AK5: variants seen among roughly 807,000 people sequenced by gnomAD.
The protein encoded by AK5 is adenylate kinase isoenzyme 5.
Under a neutral mutation model 69.5 loss-of-function variants are expected in AK5, and 27 were observed. The ratio of observed to expected loss-of-function variants is 0.39; its 90% CI spans 0.29 to 0.54. The LOEUF is 0.54. AK5 is among the 20% of genes least tolerant of loss of function. The probability of loss-of-function intolerance (pLI) is 0.71; values close to 1 mark genes in which losing one functional copy is unlikely to be tolerated. For missense variants in AK5, 531 were observed against 700.4 expected (o/e 0.76, Z 2.73); for synonymous variants, 260 against 244.4 (o/e 1.06, Z -0.60).
intron 13 of AK5, among the ~76,000 whole-genome samples, chr1:77,555,847 A>G (rs992367685): frequency 3.3e-5 from 5 of 152,234 alleles, no homozygotes; most frequent in African/African-American, 9.6e-5. Flanking sequence ...TTCTCGTTCA[A>G]CTTGGTTAAC....
intron 12 of AK5, among the ~76,000 whole-genome samples, chr1:77,529,323 C>T (rs1429084281): frequency 1.3e-5 from 2 of 150,478 alleles, no homozygotes; most frequent in Admixed American, 6.6e-5. Context: ...GTTAGGACCC[C>T]CGTTTTATAG....
chr1:77,490,014 G>A (rs924634489), intron 10 of AK5, among the ~76,000 whole-genome samples: 1 of 152,062 alleles, frequency 6.6e-6, no homozygotes, highest in Admixed American at 6.5e-5. Flanking sequence ...CCTCCTCTGC[G>A]CTCCTCCTCC....
At chr1:77,493,978 T>C (rs1290708443) in intron 10 of AK5, among the ~76,000 whole-genome samples, 1 of 152,202 alleles carries the variant, frequency 6.6e-6, no homozygotes, top group Non-Finnish European at 1.5e-5. Context: ...TTAATAAGCC[T>C]TTATCAAGGG....
At chr1:77,285,942 T>A (rs997784083) in intron 1 of AK5, among the ~76,000 whole-genome samples, 3 of 152,102 alleles carry the variant, frequency 2.0e-5, no homozygotes, top group African/African-American at 7.2e-5. Flanking sequence ...TGAATTAGAC[T>A]CACTCTGTGT....
At chr1:77,556,243 T>C (rs1262928641) in intron 13 of AK5, among the ~76,000 whole-genome samples, 1 of 152,186 alleles carries the variant, frequency 6.6e-6, no homozygotes, top group Non-Finnish European at 1.5e-5. Flanking sequence ...ATGTCTCCCC[T>C]GTCACAGCTT....
intron 5 of AK5, chr1:77,314,656 C>T (rs1324031092): frequency 6.6e-6 from 1 of 152,072 alleles, no homozygotes; most frequent in Non-Finnish European, 1.5e-5. Context: ...ATTCAATATC[C>T]TCCATCCTCC....
intron 5 of AK5, among the ~76,000 whole-genome samples, chr1:77,306,484 G>GGC (rs35597576): frequency 7.4e-6 from 1 of 134,554 alleles, no homozygotes; most frequent in Non-Finnish European, 1.6e-5. Context: ...AATTTGCTAG[G>GGC]TTTTTTTTTG....
chr1:77,493,293 G>A (rs1409802162), intron 10 of AK5, among the ~76,000 whole-genome samples: 1 of 151,530 alleles, frequency 6.6e-6, no homozygotes, highest in Non-Finnish European at 1.5e-5. Context: ...TCTGGAGCTG[G>A]GTCATCCATT....
At chr1:77,400,582 CAA>C (rs761232465) in intron 6 of AK5, among the ~76,000 whole-genome samples, 4 of 152,112 alleles carry the variant, frequency 2.6e-5, no homozygotes, top group Non-Finnish European at 5.9e-5. Context: ...TAGGAATAAT[CAA>C]AGTTATCTTA....
chr1:77,402,263 A>G (rs1460469715), intron 6 of AK5, among the ~76,000 whole-genome samples: 1 of 152,084 alleles, frequency 6.6e-6, no homozygotes, highest in Non-Finnish European at 1.5e-5. Flanking sequence ...GTTAACATCC[A>G]AGGTTCTTGT....
chr1:77,489,210 A>G (rs12564592), intron 10 of AK5, among the ~76,000 whole-genome samples: 7,124 of 152,240 alleles, frequency 0.047, 347 homozygotes, highest in East Asian at 0.2. Context: ...CAAAGCTCGA[A>G]ACCTCCAAGG....
chr1:77,335,685 C>A (rs752440164), intron 5 of AK5, among the ~76,000 whole-genome samples: 1 of 152,208 alleles, frequency 6.6e-6, no homozygotes, highest in Non-Finnish European at 1.5e-5. Flanking sequence ...TACAAGGAAT[C>A]CCATGAGCAT....
Position 77,300,939 on chromosome 1 carries a change from TTTTG to T in AK5, c.699+3007_699+3010del, listed in dbSNP as rs1025325829. ...CCTCAAGGTTTTGCGTTAACTTAGT[TTTTG>T]TTTGTTTGTTTGTTAGTGCAAATGT... On this transcript the variant is annotated intron_variant, in intron 5 of 13. Transcript: ENST00000354567. Among the ~76,000 whole-genome samples, 4 of 152,154 alleles carry T rather than the reference TTTTG, an allele frequency of 2.6e-5. No homozygotes were observed. The East Asian group carries it at 5.8e-4, about 22-fold the overall frequency.
chr1:77,324,187 T>C lies in AK5; in HGVS notation c.700-16190T>C, dbSNP rs566010389. 2.0e-5 allele frequency among the ~76,000 whole-genome samples: 3 copies of C among 152,290 alleles called. No individual in the cohort carries two copies. The East Asian group carries it at 5.8e-4, about 29-fold the overall frequency. On this transcript the variant is annotated intron_variant, in intron 5 of 13. Coordinates refer to ENST00000354567, the MANE Select transcript of AK5 (RefSeq NM_174858.3). ...ATTAGCCTGCTGAAAATGCCGAACATTAAGAAATGGCATGAACAATGTTAG... is the reference window on the plus strand; with the variant it reads ...ATTAGCCTGCTGAAAATGCCGAACACTAAGAAATGGCATGAACAATGTTAG...
At chr1:77,412,203 G>T (rs1557572308) in intron 7 of AK5, among the ~76,000 whole-genome samples, 1 of 152,174 alleles carries the variant, frequency 6.6e-6, no homozygotes, top group African/African-American at 2.4e-5. Flanking sequence ...TGGCTCCCTA[G>T]CGGTGTTTCT....
intron 10 of AK5, among the ~76,000 whole-genome samples, chr1:77,495,317 G>A (rs1397413900): frequency 6.6e-6 from 1 of 152,202 alleles, no homozygotes; most frequent in Non-Finnish European, 1.5e-5. Context: ...GTGAAGTTGT[G>A]GGAATATAGT....
At chr1:77,355,408 A>C (rs1425735859) in intron 6 of AK5, among the ~76,000 whole-genome samples, 2 of 152,226 alleles carry the variant, frequency 1.3e-5, no homozygotes, top group East Asian at 3.8e-4. Context: ...CCCTACTTTA[A>C]AATTGTAAGA....
At chr1:77,422,902 T>C (rs1407305301) in intron 8 of AK5, among the ~76,000 whole-genome samples, 2 of 152,122 alleles carry the variant, frequency 1.3e-5, no homozygotes, top group Non-Finnish European at 2.9e-5. Flanking sequence ...TTCGAGAAAA[T>C]GGTGGTGACA....
chr1:77,297,981 C>T (rs768069035), intron 5 of AK5, 34 bp downstream of exon 5: 29 of 1,479,114 alleles, frequency 2.0e-5, no homozygotes, highest in Non-Finnish European at 2.6e-5. Context: ...AAATGAACTA[C>T]TTTTTGCTTA....
Sources: allele counts gnomAD v4.1 joint callset (sites outside exome capture counted in the v4.1 genomes callset), GRCh38; gene constraint gnomAD v4.1.1; transcripts MANE v1.5; gene names NCBI Gene and HGNC (gene_info 2026-07-23, HGNC 2026-07-21).